The following SYT16 variants were observed in gnomAD, a reference collection of about 807,000 sequenced individuals.
SYT16 encodes synaptotagmin-16.
A neutral mutation model predicts 61.4 loss-of-function variants in SYT16; 42 were observed. That is an observed-to-expected ratio of 0.68 (90% CI 0.53 to 0.89). The LOEUF is 0.89. Among genes scored for constraint, SYT16 ranks in the 40% least tolerant of loss-of-function variants. SYT16 has a pLI of 0.00. For synonymous variants in SYT16, 314 were observed against 302.3 expected (o/e 1.04, Z -0.40); for missense variants, 804 against 807.3 (o/e 1.00, Z 0.05).
Position 61,995,917 on chromosome 14 carries a change from C to T in SYT16, c.-103C>T. The T allele has an allele frequency of 8.5e-7, 1 of 1,177,728 alleles. No homozygotes were observed. Among genetic ancestry groups the T allele is most frequent in the African/African-American group, 1.5e-5 (1 of 64,904 alleles). The allele number at this position is 1,177,728 out of a possible 1,614,324, so 73.0% of individuals were successfully genotyped here. A position where few individuals can be genotyped will look rare whatever the true frequency, so the allele number is the denominator to read the frequency against. On this transcript the variant is annotated 5_prime_UTR_variant, in exon 3 of 8. Transcript: ENST00000683842. ...TGAAATATTCACAGCCATTAAGAGA[C>T]CTCCAAATTAATTTCTCAACATGCT... is the stretch of plus-strand genomic sequence containing the variant.
chr14:61,936,725 A>G (rs930356875), intron 1 of SYT16, among the ~76,000 whole-genome samples: 1 of 151,972 alleles, frequency 6.6e-6, no homozygotes, highest in Admixed American at 6.6e-5. Flanking sequence ...CTCTATAGCC[A>G]TGTTCCTTTA....
At chr14:61,973,075 T>A (rs1017077513) in intron 2 of SYT16, among the ~76,000 whole-genome samples, 6 of 152,200 alleles carry the variant, frequency 3.9e-5, no homozygotes, top group African/African-American at 9.6e-5. Flanking sequence ...AACTGAATTA[T>A]TTTAATTTAA....
chr14:62,071,583 C>T (rs555047924), intron 4 of SYT16, among the ~76,000 whole-genome samples: 105 of 152,240 alleles, frequency 6.9e-4, no homozygotes, highest in African/African-American at 1.9e-3. Context: ...GGTTACCAGA[C>T]GCCATGGAAA....
At chr14:61,976,252 G>A (rs1177096587) in intron 2 of SYT16, among the ~76,000 whole-genome samples, 2 of 152,204 alleles carry the variant, frequency 1.3e-5, no homozygotes, top group Non-Finnish European at 2.9e-5. Flanking sequence ...GCTTTCATGG[G>A]CTGGCATTGA....
chr14:61,879,719 T>C (rs2047629353), intron 1 of SYT16, among the ~76,000 whole-genome samples: 1 of 152,226 alleles, frequency 6.6e-6, no homozygotes, highest in South Asian at 2.1e-4. Context: ...TTTTCCTTTT[T>C]TACTAGTTTA....
intron 1 of SYT16, among the ~76,000 whole-genome samples, chr14:61,858,002 A>G (rs1384560963): frequency 2.0e-5 from 3 of 151,570 alleles, no homozygotes; most frequent in Admixed American, 1.3e-4. Flanking sequence ...TTCACAAGAC[A>G]TTATCATCTC....
chr14:62,072,851 G>C (rs1037976596), intron 4 of SYT16, among the ~76,000 whole-genome samples: 3 of 152,266 alleles, frequency 2.0e-5, no homozygotes, highest in Admixed American at 1.3e-4. Flanking sequence ...TTCCATCAAA[G>C]TGGGATATGA....
At chr14:61,852,257 T>C (rs2046640271) in intron 1 of SYT16, among the ~76,000 whole-genome samples, 1 of 152,196 alleles carries the variant, frequency 6.6e-6, no homozygotes, top group Non-Finnish European at 1.5e-5. Flanking sequence ...CTGAGATGTC[T>C]ATTCTGTTCC....
intron 1 of SYT16, among the ~76,000 whole-genome samples, chr14:61,942,395 A>T (rs1345958465): frequency 6.6e-6 from 1 of 152,232 alleles, no homozygotes; most frequent in Non-Finnish European, 1.5e-5. Flanking sequence ...AGGCTAGTTT[A>T]CCATGTTGGA....
rs2057600048 is a variant in SYT16 at position 62,111,062 on chromosome 14, T to A, written c.*10355T>A. On this transcript the variant is annotated 3_prime_UTR_variant, in exon 8 of 8. Transcript: ENST00000683842. The stretch of plus-strand genomic sequence containing the variant: ...AGATTTCATAGCAATATTTTATTTG[T>A]GTTCACAGTGCAAGATAAATCTGAC... 1 of 152,126 alleles carries A rather than the reference T, an allele frequency of 6.6e-6. No homozygotes were observed. 9.4% of individuals were successfully genotyped at this position (152,126 alleles called of 1,614,324 possible).
chr14:62,102,005 G>A lies in SYT16; in HGVS notation c.*1298G>A, dbSNP rs1019514433. 2 of 152,048 alleles carry A rather than the reference G, an allele frequency of 1.3e-5. No homozygotes were observed. Among genetic ancestry groups the A allele is most frequent in the African/African-American group, 2.4e-5 (1 of 41,374 alleles). 9.4% of individuals were successfully genotyped at this position (152,048 alleles called of 1,614,324 possible). On this transcript the variant is annotated 3_prime_UTR_variant, in exon 8 of 8. Coordinates refer to ENST00000683842, the MANE Select transcript of SYT16 (RefSeq NM_001367656.1). ...CCTTAATTTCAATTACTTTAAATTG[G>A]CATTAATAAAAAAATAGGGAAAGAA...
chr14:62,056,101 G>A (rs554271050), intron 3 of SYT16, among the ~76,000 whole-genome samples: 5 of 150,716 alleles, frequency 3.3e-5, no homozygotes, highest in Middle Eastern at 3.2e-3. Context: ...TATAATAAAC[G>A]TATTTTCCAA....
chr14:62,108,245 C>T lies in SYT16; in HGVS notation c.*7538C>T, dbSNP rs888179172. On this transcript the variant is annotated 3_prime_UTR_variant, in exon 8 of 8. Coordinates refer to ENST00000683842, the MANE Select transcript of SYT16 (RefSeq NM_001367656.1). ...ATTTATTGTTTATAATTCTACTAAACATGTCTTAGTCCACGCAAATTAACT... is the reference window on the plus strand; with the variant it reads ...ATTTATTGTTTATAATTCTACTAAATATGTCTTAGTCCACGCAAATTAACT... 3.9e-5 allele frequency: 6 copies of T among 152,146 alleles called. No individual in the cohort carries two copies. The highest frequency in any genetic ancestry group is 2.0e-4 in the Admixed American group (3 of 15,270). 9.4% of individuals were successfully genotyped at this position (152,146 alleles called of 1,614,324 possible).
At chr14:61,908,629 G>T (rs1182757839) in intron 1 of SYT16, among the ~76,000 whole-genome samples, 1 of 152,112 alleles carries the variant, frequency 6.6e-6, no homozygotes, top group African/African-American at 2.4e-5. Context: ...TGGAAGGAAG[G>T]TCTGACTGTA....
intron 1 of SYT16, among the ~76,000 whole-genome samples, chr14:61,886,828 A>G (rs1388274115): frequency 6.7e-6 from 1 of 149,768 alleles, no homozygotes; most frequent in African/African-American, 2.4e-5. Context: ...TGGTAGCAGT[A>G]GCCTTATGAA....
chr14:61,862,085 G>C (rs755446481), intron 1 of SYT16, among the ~76,000 whole-genome samples: 9 of 152,166 alleles, frequency 5.9e-5, no homozygotes, highest in Non-Finnish European at 7.4e-5. Context: ...AGTGAGTTAT[G>C]TGTGCTTTAT....
In SYT16 at chr14:62,011,872, T is replaced by TAC. The variant is rs1233473446; in HGVS notation, c.523+15331_523+15332insCA. 1.1e-3 allele frequency among the ~76,000 whole-genome samples: 150 copies of TAC among 135,950 alleles called. 3 individuals are homozygous for TAC. Among genetic ancestry groups the TAC allele is most frequent in the African/African-American group, 3.3e-3 (105 of 32,132 alleles). The allele number at this position is 135,950 out of a possible 152,430, so 89.2% of individuals were successfully genotyped here. On this transcript the variant is annotated intron_variant, in intron 3 of 7. Transcript: ENST00000683842. ...CTACCACAAGTCAGGGAACACTATA[T>TAC]ATACACACACACACACACACACACA...
chr14:61,864,725 A>C (rs1013759401), intron 1 of SYT16, among the ~76,000 whole-genome samples: 2 of 152,242 alleles, frequency 1.3e-5, no homozygotes, highest in African/African-American at 2.4e-5. Context: ...GACTGCTCGG[A>C]CAACGTGTCC....
chr14:62,073,436 G>A (rs2056372326), intron 4 of SYT16, among the ~76,000 whole-genome samples: 1 of 152,152 alleles, frequency 6.6e-6, no homozygotes, highest in African/African-American at 2.4e-5. Context: ...GCTTTATGTT[G>A]TAGGTTTTTG....
Sources: allele counts gnomAD v4.1 joint callset (sites outside exome capture counted in the v4.1 genomes callset), GRCh38; gene constraint gnomAD v4.1.1; transcripts MANE v1.5; gene names NCBI Gene and HGNC (gene_info 2026-07-23, HGNC 2026-07-21).